The following RALYL variants were observed in gnomAD, a reference collection of about 807,000 sequenced individuals.
The protein encoded by RALYL is RNA-binding Raly-like protein.
A neutral mutation model predicts 35.1 loss-of-function variants in RALYL; 29 were observed. The ratio of observed to expected loss-of-function variants is 0.83; its 90% CI spans 0.61 to 1.13. The LOEUF is 1.13. RALYL is among the 50% of genes most tolerant of loss of function. The pLI, the probability that RALYL is intolerant of heterozygous loss-of-function variation, is 0.00. For synonymous variants in RALYL, 120 were observed against 127.6 expected, an observed-to-expected ratio of 0.94 and a Z score of 0.40; for missense variants, 359 against 360.4, an observed-to-expected ratio of 1.00 and a Z score of 0.03.
At chr8:84,748,660 T>A (rs1809229382) in intron 2 of RALYL, among the ~76,000 whole-genome samples, 1 of 152,128 alleles carries the variant, frequency 6.6e-6, no homozygotes, top group Admixed American at 6.6e-5. Context: ...AGATTTACTT[T>A]GTATCTTAAC....
chr8:84,419,874 C>A (rs1262748309), intron 1 of RALYL, among the ~76,000 whole-genome samples: 1 of 151,732 alleles, frequency 6.6e-6, no homozygotes, highest in Admixed American at 6.6e-5. Flanking sequence ...AGGACATTAA[C>A]TCATCATTTT....
rs758375297 is a variant in RALYL, at chr8:84,351,881, G to T, written c.-24+167457G>T. ...TACATTCATTACATTTGCAATTTAA[G>T]AAGCAAATGAATTAAGTTCATGATG... On this transcript the variant is annotated intron_variant, in intron 1 of 8. Transcript: ENST00000521268. 2.8e-4 allele frequency among the ~76,000 whole-genome samples: 42 copies of T among 150,256 alleles called. 1 individual carries two copies. Among genetic ancestry groups the T allele is most frequent in the Admixed American group, 7.9e-4 (12 of 15,168 alleles).
chr8:84,525,959 T>TTTTTTTC (rs1283534746), intron 1 of RALYL, among the ~76,000 whole-genome samples: 16 of 49,578 alleles, frequency 3.2e-4, no homozygotes, highest in African/African-American at 9.4e-4. Flanking sequence ...TTTTCTTTTT[T>TTTTTTTC]TTTTTTTTTT....
chr8:84,218,241 A>T (rs568812183), intron 1 of RALYL, among the ~76,000 whole-genome samples: 1 of 152,148 alleles, frequency 6.6e-6, no homozygotes, highest in Admixed American at 6.6e-5. Flanking sequence ...GTAGAGAGTA[A>T]GTGGAAGAAG....
At chr8:84,473,583 T>TA (rs1392178039) in intron 1 of RALYL, among the ~76,000 whole-genome samples, 2 of 151,806 alleles carry the variant, frequency 1.3e-5, no homozygotes, top group Admixed American at 6.6e-5. Context: ...GCTTTTTCTT[T>TA]AAAAAAATAG....
At chr8:84,694,693 A>G (rs745768684) in intron 2 of RALYL, among the ~76,000 whole-genome samples, 2 of 151,840 alleles carry the variant, frequency 1.3e-5, no homozygotes, top group Non-Finnish European at 2.9e-5. Flanking sequence ...CATTTTACCT[A>G]ACTTTAAAAT....
intron 2 of RALYL, among the ~76,000 whole-genome samples, chr8:84,721,807 G>T (rs1843969696): frequency 6.6e-6 from 1 of 152,082 alleles, no homozygotes; most frequent in South Asian, 2.1e-4. Context: ...ACTAATTTAT[G>T]CTACTTTAAA....
At chr8:84,792,912 A>T (rs1190071984) in intron 3 of RALYL, among the ~76,000 whole-genome samples, 2 of 152,234 alleles carry the variant, frequency 1.3e-5, no homozygotes, top group Admixed American at 6.5e-5. Context: ...ACAAGGAAAT[A>T]GATTCCACCT....
chr8:84,700,506 C>T (rs1839997674), intron 2 of RALYL, among the ~76,000 whole-genome samples: 1 of 152,032 alleles, frequency 6.6e-6, no homozygotes. Context: ...TTGCTTATTT[C>T]ACTTTTAGCA....
intron 1 of RALYL, among the ~76,000 whole-genome samples, chr8:84,467,741 A>G (rs1348462162): frequency 4.4e-4 from 66 of 149,906 alleles, no homozygotes; most frequent in Non-Finnish European, 5.6e-4. Context: ...TTGACAGTGG[A>G]GTGTTAAAGT....
At chr8:84,335,193 T>A (rs1343368570) in intron 1 of RALYL, among the ~76,000 whole-genome samples, 2 of 152,112 alleles carry the variant, frequency 1.3e-5, no homozygotes, top group Non-Finnish European at 2.9e-5. Flanking sequence ...CTTCAGAGAT[T>A]CCTCACAAGA....
intron 1 of RALYL, among the ~76,000 whole-genome samples, chr8:84,280,233 A>G (rs772321356): frequency 3.0e-4 from 46 of 152,210 alleles, no homozygotes; most frequent in Non-Finnish European, 4.7e-4. Context: ...TGCCCTTGAA[A>G]GCTTTTGACA....
At chr8:84,390,951 T>TTTAGGG (rs1860539724) in intron 1 of RALYL, among the ~76,000 whole-genome samples, 1 of 152,092 alleles carries the variant, frequency 6.6e-6, no homozygotes, top group East Asian at 1.9e-4. Context: ...TCCTCCAAAC[T>TTTAGGG]TTAGGGGCCA....
chr8:84,432,548 G>A (rs1249127789), intron 1 of RALYL, among the ~76,000 whole-genome samples: 3 of 152,094 alleles, frequency 2.0e-5, no homozygotes, highest in African/African-American at 7.2e-5. Flanking sequence ...ATCTGCATGG[G>A]TTGAATTGTG....
intron 1 of RALYL, among the ~76,000 whole-genome samples, chr8:84,299,978 G>C (rs1402657023): frequency 6.6e-6 from 1 of 151,840 alleles, no homozygotes; most frequent in Admixed American, 6.6e-5. Context: ...TCTGATTTTG[G>C]TTTGGGGTTG....
At chr8:84,505,042 G>A (rs1271640012) in intron 1 of RALYL, among the ~76,000 whole-genome samples, 2 of 152,094 alleles carry the variant, frequency 1.3e-5, no homozygotes, top group Non-Finnish European at 2.9e-5. Context: ...TGTCTTGCTT[G>A]TGTCCCAAAT....
intron 2 of RALYL, among the ~76,000 whole-genome samples, chr8:84,683,136 A>T (rs2132020652): frequency 6.6e-6 from 1 of 152,192 alleles, no homozygotes; most frequent in Admixed American, 6.5e-5. Context: ...TTCAGTTTCC[A>T]TGTAGTTGAG....
At chr8:84,881,051 A>G (rs1842101767) in intron 7 of RALYL, among the ~76,000 whole-genome samples, 1 of 152,002 alleles carries the variant, frequency 6.6e-6, no homozygotes, top group Non-Finnish European at 1.5e-5. Context: ...AGTAATTTTT[A>G]AATGATTTAT....
intron 2 of RALYL, among the ~76,000 whole-genome samples, chr8:84,561,946 A>G (rs1226217368): frequency 2.6e-5 from 4 of 152,038 alleles, no homozygotes; most frequent in Non-Finnish European, 5.9e-5. Context: ...GATATATCTA[A>G]GAACTCTTTT....
Sources: gnomAD v4.1 joint callset for allele counts (sites outside exome capture counted in the v4.1 genomes callset) on GRCh38, gnomAD v4.1.1 for gene constraint, MANE v1.5 for transcripts, NCBI Gene and HGNC (gene_info 2026-07-23, HGNC 2026-07-21) for gene names.